GLIS1: variants seen among roughly 807,000 people sequenced by gnomAD.
The protein encoded by GLIS1 is zinc finger protein GLIS1.
A neutral mutation model predicts 63.8 loss-of-function variants in GLIS1; 24 were observed. The observed-to-expected ratio is 0.38, with a 90% CI of 0.27 to 0.53. The LOEUF (loss-of-function observed/expected upper bound fraction) is 0.53, where lower values mean the gene tolerates loss of function less well. GLIS1 is among the 20% of genes least tolerant of loss of function. The pLI, the probability that GLIS1 is intolerant of heterozygous loss-of-function variation, is 0.85. For synonymous variants in GLIS1, 450 were observed against 482.5 expected (o/e 0.93, Z 0.88); for missense variants, 1,036 against 1,074.1 (o/e 0.96, Z 0.50).
At chr1:53,577,001 C>A (rs573889116) in intron 4 of GLIS1, among the ~76,000 whole-genome samples, 18 of 152,190 alleles carry the variant, frequency 1.2e-4, no homozygotes, top group African/African-American at 3.4e-4. Context: ...CTCACCCCAC[C>A]ACACTGTCCC....
chr1:53,514,845 C>T (rs1644334650), intron 7 of GLIS1, 64 bp from the exon 8 acceptor site: 17 of 1,473,786 alleles, frequency 1.2e-5, no homozygotes, highest in Non-Finnish European at 1.5e-5. Context: ...TGTGATGGCC[C>T]AGGAGCTGTG....
At chr1:53,627,922 C>T (rs1645612737) in intron 2 of GLIS1, among the ~76,000 whole-genome samples, 1 of 152,220 alleles carries the variant, frequency 6.6e-6, no homozygotes, top group Admixed American at 6.5e-5. Flanking sequence ...TCCAAGATAG[C>T]TTGCTCCAGG....
At chr1:53,709,110 G>C (rs911955930) in intron 2 of GLIS1, among the ~76,000 whole-genome samples, 5 of 151,950 alleles carry the variant, frequency 3.3e-5, no homozygotes, top group South Asian at 2.1e-4. Flanking sequence ...TATTTATTGA[G>C]TATATGGATT....
At chr1:53,606,013 T>C (rs1239123460) in intron 2 of GLIS1, among the ~76,000 whole-genome samples, 1 of 152,214 alleles carries the variant, frequency 6.6e-6, no homozygotes, top group Non-Finnish European at 1.5e-5. Flanking sequence ...ATTAACTTTC[T>C]AGCTATTTGA....
intron 4 of GLIS1, among the ~76,000 whole-genome samples, chr1:53,531,472 C>A (rs2100337226): frequency 6.6e-6 from 1 of 152,284 alleles, no homozygotes; most frequent in Admixed American, 6.5e-5. Context: ...TCATTTCAGA[C>A]CCTGTGATCC....
At position 53,728,006 on chromosome 1, in the gene GLIS1, C is replaced by A. The variant is rs562002116; in HGVS notation, c.259+9800G>T. Among the ~76,000 whole-genome samples the A allele has an allele frequency of 2.6e-5, 4 of 152,362 alleles. No homozygotes were observed. In the South Asian group the frequency reaches 8.3e-4, roughly 32 times the overall value. The stretch of plus-strand genomic sequence containing the variant: ...AACACAGCTCCTCCTTTACAGGCTA[C>A]AGGCTCCTTGAGACTGGGCTGTACT... On this transcript the variant is annotated intron_variant, in intron 2 of 10. Coordinates refer to ENST00000628545, the MANE Select transcript of GLIS1 (RefSeq NM_001367484.1).
intron 2 of GLIS1, among the ~76,000 whole-genome samples, chr1:53,705,756 C>T (rs1407577303): frequency 6.6e-6 from 1 of 152,178 alleles, no homozygotes; most frequent in African/African-American, 2.4e-5. Context: ...GGGAGCCTTC[C>T]ATCCCAAGCT....
intron 10 of GLIS1, 76 bp downstream of exon 10, chr1:53,509,044 G>A (rs935337349): frequency 1.4e-6 from 2 of 1,385,230 alleles, no homozygotes; most frequent in Non-Finnish European, 2.0e-6. Flanking sequence ...CTGCAGGACA[G>A]CACGTATGCA....
chr1:53,628,101 T>C (rs1317244113), intron 2 of GLIS1, among the ~76,000 whole-genome samples: 2 of 152,134 alleles, frequency 1.3e-5, no homozygotes, highest in East Asian at 3.9e-4. Context: ...AAGTGACCCA[T>C]GCACTTCTCC....
At chr1:53,648,191 A>T (rs1034362157) in intron 2 of GLIS1, among the ~76,000 whole-genome samples, 5 of 151,974 alleles carry the variant, frequency 3.3e-5, no homozygotes, top group Admixed American at 6.6e-5. Flanking sequence ...AATAAAAATT[A>T]AAAAAAAGAC....
Position 53,633,432 on chromosome 1 carries a change from G to C in GLIS1, c.260-33154C>G, listed in dbSNP as rs181350102. On this transcript the variant is annotated intron_variant, in intron 2 of 10. Transcript: ENST00000628545. ...GGTGTGTGTATGAGTGTGACTGAGG[G>C]GTGTGAATGAGTGTGACTGAGGGGT... 1.3e-4 allele frequency among the ~76,000 whole-genome samples: 20 copies of C among 149,692 alleles called. No homozygotes were observed. The East Asian group carries it at 4.0e-3, about 30-fold the overall frequency.
At chr1:53,620,930 C>T in intron 2 of GLIS1, among the ~76,000 whole-genome samples, 1 of 152,174 alleles carries the variant, frequency 6.6e-6, no homozygotes, top group South Asian at 2.1e-4. Flanking sequence ...CAATAAGGCC[C>T]ATAGAAATGG....
intron 4 of GLIS1, among the ~76,000 whole-genome samples, chr1:53,582,396 T>C (rs922716788): frequency 7.2e-5 from 11 of 152,170 alleles, no homozygotes; most frequent in Non-Finnish European, 1.5e-4. Context: ...CAGCAGCTCT[T>C]TGTGAATCAG....
intron 2 of GLIS1, among the ~76,000 whole-genome samples, chr1:53,612,666 T>C (rs766895540): frequency 1.1e-4 from 17 of 152,188 alleles, no homozygotes; most frequent in Non-Finnish European, 2.5e-4. Context: ...GAAAGATCTG[T>C]TGAGCTCTCT....
chr1:53,637,337 G>A (rs1645736750), intron 2 of GLIS1, among the ~76,000 whole-genome samples: 1 of 152,182 alleles, frequency 6.6e-6, no homozygotes, highest in South Asian at 2.1e-4. Flanking sequence ...CTGAAGGAGG[G>A]TGATGACGGG....
At chr1:53,691,198 A>T (rs1038514245) in intron 2 of GLIS1, among the ~76,000 whole-genome samples, 1 of 151,998 alleles carries the variant, frequency 6.6e-6, no homozygotes, top group Non-Finnish European at 1.5e-5. Context: ...CTCTACAAAA[A>T]ATTTTGTAGA....
At chr1:53,663,926 C>G (rs1050248148) in intron 2 of GLIS1, among the ~76,000 whole-genome samples, 1 of 148,002 alleles carries the variant, frequency 6.8e-6, no homozygotes, top group African/African-American at 2.5e-5. Flanking sequence ...TCGAGGGAAC[C>G]GGGAAAGACT....
chr1:53,516,118 G>A (rs982612931), intron 7 of GLIS1, among the ~76,000 whole-genome samples: 46 of 152,100 alleles, frequency 3.0e-4, no homozygotes, highest in Admixed American at 2.2e-3. Flanking sequence ...CTATCCTGGG[G>A]CTGCACTGAT....
chr1:53,688,674 G>T (rs981481550), intron 2 of GLIS1: 1 of 152,244 alleles, frequency 6.6e-6, no homozygotes, highest in African/African-American at 2.4e-5. Context: ...GCCCCCATAC[G>T]GTGTCATGTA....
Sources: gnomAD v4.1 joint callset for allele counts (sites outside exome capture counted in the v4.1 genomes callset) on GRCh38, gnomAD v4.1.1 for gene constraint, MANE v1.5 for transcripts, NCBI Gene and HGNC (gene_info 2026-07-23, HGNC 2026-07-21) for gene names.